The following PDZD2 variants were observed in gnomAD, a reference collection of about 807,000 sequenced individuals.
PDZD2 encodes the protein PDZ domain-containing protein 2.
In PDZD2, 90 loss-of-function variants were observed where a neutral mutation model predicts 220.7. That is an observed-to-expected ratio of 0.41 (90% CI 0.34 to 0.49). The LOEUF (loss-of-function observed/expected upper bound fraction) is 0.49, where lower values mean the gene tolerates loss of function less well. Ranked by LOEUF, PDZD2 falls within the 20% of genes least tolerant of loss-of-function variation. The pLI, the probability that PDZD2 is intolerant of heterozygous loss-of-function variation, is 0.28. For synonymous variants in PDZD2, 1,375 were observed against 1,450.5 expected (o/e 0.95, Z 1.18); for missense variants, 3,174 against 3,608.5 (o/e 0.88, Z 3.08).
At chr5:31,943,892 A>G (rs537285381) in intron 2 of PDZD2, among the ~76,000 whole-genome samples, 29 of 152,340 alleles carry the variant, frequency 1.9e-4, no homozygotes, top group Non-Finnish European at 3.8e-4. Flanking sequence ...ATTTCCTTCA[A>G]TAATGGATGT....
At chr5:31,882,875 CAA>C (rs942539718) in intron 2 of PDZD2, among the ~76,000 whole-genome samples, 36 of 151,742 alleles carry the variant, frequency 2.4e-4, no homozygotes, top group Non-Finnish European at 8.8e-5. Flanking sequence ...CTAAAAATAA[CAA>C]AAGTTAGCTG....
chr5:32,099,835 G>T (rs1052452488), intron 23 of PDZD2: 2 of 152,280 alleles, frequency 1.3e-5, no homozygotes, highest in African/African-American at 4.8e-5. Context: ...TCAATCAAAC[G>T]CTGAGCGCCT....
rs556791368 is a variant in PDZD2, at chr5:31,878,856, G to A, written c.476+79132G>A. On this transcript the variant is annotated intron_variant, in intron 2 of 24. Coordinates refer to ENST00000438447, the MANE Select transcript of PDZD2 (RefSeq NM_178140.4). ...GATTACAGGCGTGAGCCACCGCGCC[G>A]GGCCGACCTCGGCTTATTTTGCAAT... 2.4e-3 allele frequency among the ~76,000 whole-genome samples: 364 copies of A among 151,440 alleles called. 4 individuals are homozygous for A. Among genetic ancestry groups the A allele is most frequent in the African/African-American group, 8.7e-3 (359 of 41,420 alleles).
chr5:31,732,585 T>C (rs253910), intron 1 of PDZD2, among the ~76,000 whole-genome samples: 42,510 of 152,110 alleles, frequency 0.28, 6,260 homozygotes, highest in East Asian at 0.51. Flanking sequence ...CCACCTGTGG[T>C]TTACTGCAGA....
chr5:32,024,301 G>A (rs1382718544), intron 6 of PDZD2, among the ~76,000 whole-genome samples: 3 of 152,308 alleles, frequency 2.0e-5, no homozygotes, highest in South Asian at 2.1e-4. Context: ...CCCTCAAGCC[G>A]CAAAAGTTAC....
At chr5:31,950,534 A>G (rs943264874) in intron 2 of PDZD2, among the ~76,000 whole-genome samples, 5 of 152,184 alleles carry the variant, frequency 3.3e-5, no homozygotes, top group Non-Finnish European at 7.3e-5. Context: ...GTTTATTGAG[A>G]TATAATTTGT....
intron 2 of PDZD2, among the ~76,000 whole-genome samples, chr5:31,888,581 G>A (rs950122483): frequency 6.6e-6 from 1 of 152,194 alleles, no homozygotes; most frequent in African/African-American, 2.4e-5. Context: ...TTGTAGGCTT[G>A]GCTGTTAATG....
chr5:31,856,255 G>A (rs1758434718), intron 2 of PDZD2, among the ~76,000 whole-genome samples: 1 of 152,090 alleles, frequency 6.6e-6, no homozygotes, highest in Admixed American at 6.5e-5. Flanking sequence ...GATGTTAATG[G>A]AGTTGAGAGG....
intron 2 of PDZD2, among the ~76,000 whole-genome samples, chr5:31,811,206 G>A (rs1001200121): frequency 8.5e-5 from 13 of 152,102 alleles, no homozygotes; most frequent in East Asian, 1.9e-4. Flanking sequence ...GGCTGGTCTC[G>A]AACTCTTGAC....
chr5:31,850,977 T>C (rs963773455), intron 2 of PDZD2, among the ~76,000 whole-genome samples: 1 of 152,140 alleles, frequency 6.6e-6, no homozygotes, highest in African/African-American at 2.4e-5. Flanking sequence ...TTACCTCTTA[T>C]GTCCTCTGTA....
intron 2 of PDZD2, among the ~76,000 whole-genome samples, chr5:31,801,804 C>G (rs1309143143): frequency 6.6e-6 from 1 of 152,072 alleles, no homozygotes; most frequent in Non-Finnish European, 1.5e-5. Context: ...AAGTAGTAGT[C>G]TATATGTATT....
Position 31,805,243 on chromosome 5 carries a change from T to G in PDZD2, c.476+5519T>G, listed in dbSNP as rs560578849. Among the ~76,000 whole-genome samples the G allele has an allele frequency of 1.3e-4, 20 of 152,292 alleles. No homozygotes were observed. In the South Asian group the frequency reaches 4.1e-3, roughly 32 times the overall value. The stretch of plus-strand genomic sequence containing the variant: ...AAGCCCAATTGTAATATAGACTCCT[T>G]TTGGCAAACTTAGCTCTAGCCAGAG... On this transcript the variant is annotated intron_variant, in intron 2 of 24. Coordinates refer to ENST00000438447, the MANE Select transcript of PDZD2 (RefSeq NM_178140.4).
chr5:31,964,877 G>A (rs10940986), intron 2 of PDZD2, among the ~76,000 whole-genome samples: 44,755 of 151,986 alleles, frequency 0.29, 7,122 homozygotes, highest in East Asian at 0.6. Flanking sequence ...CACCACGCCC[G>A]GCTAATTTTT....
At chr5:31,744,088 G>C (rs1408078616) in intron 1 of PDZD2, 1 of 152,212 alleles carries the variant, frequency 6.6e-6, no homozygotes, top group Non-Finnish European at 1.5e-5. Context: ...GAACTGGTTT[G>C]TCTGGAACTT....
At chr5:31,736,121 A>C (rs1417014284) in intron 1 of PDZD2, among the ~76,000 whole-genome samples, 5 of 152,230 alleles carry the variant, frequency 3.3e-5, no homozygotes, top group Non-Finnish European at 7.3e-5. Context: ...TTTGCTATGC[A>C]GTTTTCAGCT....
chr5:31,667,254 A>AG (rs1746031921), intron 1 of PDZD2, among the ~76,000 whole-genome samples: 1 of 150,832 alleles, frequency 6.6e-6, no homozygotes. Context: ...AAAAAAAAAA[A>AG]AAAGAGTACC....
At chr5:31,854,713 A>C (rs529619404) in intron 2 of PDZD2, among the ~76,000 whole-genome samples, 12 of 152,116 alleles carry the variant, frequency 7.9e-5, no homozygotes, top group African/African-American at 2.9e-4. Context: ...CCCTCGGTGT[A>C]AACAAAGGTG....
chr5:31,893,623 A>G (rs1211220562), intron 2 of PDZD2, among the ~76,000 whole-genome samples: 1 of 152,192 alleles, frequency 6.6e-6, no homozygotes, highest in Admixed American at 6.5e-5. Flanking sequence ...CCATGAGTAT[A>G]AAGAGATTTT....
chr5:31,817,143 G>T (rs1369911292), intron 2 of PDZD2, among the ~76,000 whole-genome samples: 2 of 137,736 alleles, frequency 1.5e-5, no homozygotes. Context: ...CCGAGATCGC[G>T]CCACTGCACT....
Sources: allele counts gnomAD v4.1 joint callset (sites outside exome capture counted in the v4.1 genomes callset), GRCh38; gene constraint gnomAD v4.1.1; transcripts MANE v1.5; gene names NCBI Gene and HGNC (gene_info 2026-07-23, HGNC 2026-07-21).